The following SMG9 variants were observed in gnomAD, a reference collection of about 807,000 sequenced individuals.
SMG9 encodes nonsense-mediated mRNA decay factor SMG9.
In SMG9, 55 loss-of-function variants were observed where a neutral mutation model predicts 64.0. That is an observed-to-expected ratio of 0.86 (90% CI 0.69 to 1.08). The LOEUF (loss-of-function observed/expected upper bound fraction) is 1.08. Ranked by LOEUF, SMG9 falls within the 50% of genes least tolerant of loss-of-function variation. SMG9 has a pLI of 0.00. For missense variants in SMG9, 554 were observed against 681.3 expected (o/e 0.81, Z 2.08); for synonymous variants, 244 against 254.8 (o/e 0.96, Z 0.41).
chr19:43,753,784 G>A (rs1250888360), intron 1 of SMG9, among the ~76,000 whole-genome samples: 1 of 151,980 alleles, frequency 6.6e-6, no homozygotes, highest in Non-Finnish European at 1.5e-5. Context: ...TATTCTGGGA[G>A]CTTCCACAGT....
chr19:43,732,841 C>T lies in SMG9; in HGVS notation c.1484+17G>A. The stretch of plus-strand genomic sequence containing the variant: ...GTGGGGTGCCTCAAATTGACCCCCT[C>T]TGCAAAGAGCTCTTACCAGTTCTTC... On this transcript the variant is annotated intron_variant, in intron 13 of 13. Transcript: ENST00000270066. 1 of 1,613,680 alleles carries T rather than the reference C, an allele frequency of 6.2e-7. No individual in the cohort carries two copies. The highest frequency in any genetic ancestry group is 8.5e-7 in the Non-Finnish European group (1 of 1,180,002).
intron 12 of SMG9, 23 bp downstream of exon 12, chr19:43,733,301 G>C: frequency 6.2e-7 from 1 of 1,612,728 alleles, no homozygotes. Flanking sequence ...GTCTCTCCAT[G>C]AACCTGTTGA....
At chr19:43,749,972 T>C (rs1452503167) in intron 2 of SMG9, among the ~76,000 whole-genome samples, 2 of 152,228 alleles carry the variant, frequency 1.3e-5, no homozygotes, top group Non-Finnish European at 2.9e-5. Context: ...ATGGGGTAGC[T>C]GTAAGGGTTC....
chr19:43,753,458 CTTTTTTT>C (rs745479932), intron 1 of SMG9, among the ~76,000 whole-genome samples: 5 of 118,604 alleles, frequency 4.2e-5, no homozygotes, highest in South Asian at 2.8e-4. Flanking sequence ...GAATGCTTTT[CTTTTTTT>C]TTTTTTTTTT....
At chr19:43,744,287 C>T (rs1019685091) in intron 6 of SMG9, among the ~76,000 whole-genome samples, 5 of 152,170 alleles carry the variant, frequency 3.3e-5, no homozygotes, top group African/African-American at 4.8e-5. Flanking sequence ...GATCTCTTTC[C>T]CCACTCTATT....
Position 43,747,633 on chromosome 19 carries a change from G to C in SMG9, c.490C>G (p.Pro164Ala). 6.2e-7 allele frequency: 1 copy of C among 1,613,884 alleles called. No homozygotes were observed. Among genetic ancestry groups the C allele is most frequent in the Non-Finnish European group, 8.5e-7 (1 of 1,179,928 alleles). Residue 164 changes from proline (P) to alanine (A), a missense_variant and splice_region_variant, in exon 4 of 14, where the codon CCT becomes GCT. Transcript: ENST00000270066. ...MGTAAPAAMD[P>A]VVGQAKLLPP... The stretch of plus-strand genomic sequence containing the variant: ...CTGGTACTGCCCAGCCCCAACTCAC[G>C]GTCCATGGCTGCTGGTGCGGCAGTG...
intron 9 of SMG9, 89 bp downstream of exon 9, chr19:43,737,508 G>A: frequency 3.5e-6 from 4 of 1,147,326 alleles, no homozygotes; most frequent in Non-Finnish European, 5.0e-6. Context: ...CCCTCTGGCT[G>A]CTGTCCCTTG....
At chr19:43,750,224 T>C (rs758725952) in intron 2 of SMG9, 8 of 533,264 alleles carry the variant, frequency 1.5e-5, no homozygotes, top group Non-Finnish European at 2.6e-5. Flanking sequence ...TCTCTCTCCC[T>C]CCTTCCTCAT....
At chr19:43,735,439 G>A (rs898072010) in intron 9 of SMG9, among the ~76,000 whole-genome samples, 6 of 151,910 alleles carry the variant, frequency 3.9e-5, no homozygotes, top group East Asian at 1.9e-4. Context: ...CCAACATCGC[G>A]AAACTGTGTC....
At chr19:43,745,340 CT>C (rs1434763285) in intron 5 of SMG9, among the ~76,000 whole-genome samples, 1 of 152,064 alleles carries the variant, frequency 6.6e-6, no homozygotes, top group Non-Finnish European at 1.5e-5. Flanking sequence ...GCCACCCAGG[CT>C]TTCGTCTGTG....
In SMG9 at chr19:43,748,056, T is replaced by C. The variant is rs758257473; in HGVS notation, c.151-4A>G. On this transcript the variant is annotated splice_polypyrimidine_tract_variant and splice_region_variant and intron_variant, in intron 2 of 13. Transcript: ENST00000270066. ...TGCTTGTCTCTTCGCTGGCATCCTG[T>C]GGTGAGGGAGGGCAGTTACTCATGA... 14 of 1,605,240 alleles carry C rather than the reference T, an allele frequency of 8.7e-6. No homozygotes were observed. The Admixed American group carries it at 1.2e-4, about 14-fold the overall frequency.
intron 7 of SMG9, among the ~76,000 whole-genome samples, 167 bp from the exon 8 acceptor site, chr19:43,738,384 C>T (rs774874755): frequency 5.9e-5 from 9 of 152,184 alleles, no homozygotes; most frequent in Non-Finnish European, 1.3e-4. Context: ...AGCTGATACA[C>T]TTTTCCAGCT....
chr19:43,746,109 G>A (rs1234487288), intron 5 of SMG9, among the ~76,000 whole-genome samples: 1 of 152,196 alleles, frequency 6.6e-6, no homozygotes, highest in Non-Finnish European at 1.5e-5. Context: ...GGAGGTGGAG[G>A]TTGCAGTGAG....
rs754555077 is a variant in SMG9, at chr19:43,731,566, G to T, written c.*30C>A. ...TCGCAGTACACTGCGGACCCAGGAGGTCCCCTGCATGACATTCCTCTCCTT... is the reference window on the plus strand; with the variant it reads ...TCGCAGTACACTGCGGACCCAGGAGTTCCCCTGCATGACATTCCTCTCCTT... On this transcript the variant is annotated 3_prime_UTR_variant, in exon 14 of 14. Coordinates refer to ENST00000270066, the MANE Select transcript of SMG9 (RefSeq NM_019108.4). 1 of 1,614,054 alleles carries T rather than the reference G, an allele frequency of 6.2e-7. No individual in the cohort carries two copies. The highest frequency in any genetic ancestry group is 8.5e-7 in the Non-Finnish European group (1 of 1,179,962).
chr19:43,740,975 T>A (rs1327358349), intron 6 of SMG9, among the ~76,000 whole-genome samples: 2 of 152,286 alleles, frequency 1.3e-5, no homozygotes, highest in East Asian at 3.9e-4. Context: ...TCTCAAGGGG[T>A]AATTTCTATC....
At chr19:43,734,680 G>T in intron 9 of SMG9, 185 bp from the exon 10 acceptor site, 1 of 499,682 alleles carries the variant, frequency 2.0e-6, no homozygotes, top group Non-Finnish European at 3.6e-6. Context: ...ACCAACCCAT[G>T]GACTTACCAA....
rs754644519 is a variant in SMG9 at position 43,747,622 on chromosome 19, C to A, written c.490+11G>T. The A allele has an allele frequency of 1.4e-5, 22 of 1,613,852 alleles. No homozygotes were observed. The highest frequency in any genetic ancestry group is 1.8e-5 in the Non-Finnish European group (21 of 1,179,946). On this transcript the variant is annotated intron_variant, in intron 4 of 13. Coordinates refer to ENST00000270066, the MANE Select transcript of SMG9 (RefSeq NM_019108.4). ...CAGTTCCCAACCTGGTACTGCCCAGCCCCAACTCACGGTCCATGGCTGCTG... is the reference window on the plus strand; with the variant it reads ...CAGTTCCCAACCTGGTACTGCCCAGACCCAACTCACGGTCCATGGCTGCTG...
intron 6 of SMG9, 69 bp from the exon 7 acceptor site, chr19:43,740,287 A>C: frequency 8.9e-7 from 1 of 1,121,358 alleles, no homozygotes; most frequent in Non-Finnish European, 1.4e-6. Context: ...CCGAAGTGTG[A>C]CCCTGTGAGC....
In SMG9 at chr19:43,737,491, A is replaced by G; in HGVS notation, c.995+106T>C. 14 of 975,176 alleles carry G rather than the reference A, an allele frequency of 1.4e-5. No individual in the cohort carries two copies. In the South Asian group the frequency reaches 2.2e-4, roughly 15 times the overall value. 60.4% of individuals were successfully genotyped at this position (975,176 alleles called of 1,614,324 possible). ...GTGATTTGCTCCAACTTACATTTTA[A>G]AAGGATCCCTCTGGCTGCTGTCCCT... On this transcript the variant is annotated intron_variant, in intron 9 of 13. Transcript: ENST00000270066.
Sources: gnomAD v4.1 joint callset for allele counts (sites outside exome capture counted in the v4.1 genomes callset) on GRCh38, gnomAD v4.1.1 for gene constraint, MANE v1.5 for transcripts, NCBI Gene and HGNC (gene_info 2026-07-23, HGNC 2026-07-21) for gene names.